Variants in ARID4B observed in about 807,000 individuals in gnomAD.
ARID4B encodes the protein AT-rich interaction domain 4B, also known as AT-rich interactive domain-containing protein 4B.
A neutral mutation model predicts 147.5 loss-of-function variants in ARID4B; 26 were observed. The ratio of observed to expected loss-of-function variants is 0.18; its 90% CI spans 0.13 to 0.24. The LOEUF is 0.24. Among genes scored for constraint, ARID4B ranks in the 10% least tolerant of loss-of-function variants. The probability of loss-of-function intolerance (pLI) is 1.00; values close to 1 mark genes in which losing one functional copy is unlikely to be tolerated. For synonymous variants in ARID4B, 512 were observed against 507.9 expected (o/e 1.01, Z -0.11); for missense variants, 1,179 against 1,511.5 (o/e 0.78, Z 3.65).
chr1:235,277,357 T>G (rs888295150), intron 2 of ARID4B, among the ~76,000 whole-genome samples: 1 of 151,872 alleles, frequency 6.6e-6, no homozygotes, highest in Non-Finnish European at 1.5e-5. Context: ...CTGACCAACA[T>G]AGTGAAACCC....
rs1162226164 is a variant in ARID4B, at chr1:235,219,676, ACT to A, written c.1583+115_1583+116del. ...GCTATTTAATTAATAAATGCCAATCACTCTATTATTTAATATTTTGTCAATTA... is the reference window on the plus strand; with the variant it reads ...GCTATTTAATTAATAAATGCCAATCACTATTATTTAATATTTTGTCAATTA... On this transcript the variant is annotated intron_variant, in intron 16 of 23. Coordinates refer to ENST00000264183, the MANE Select transcript of ARID4B (RefSeq NM_016374.6). The A allele has an allele frequency of 6.2e-5, 48 of 773,074 alleles. 1 individual carries two copies. Among genetic ancestry groups the A allele is most frequent in the South Asian group, 5.4e-4 (26 of 48,362 alleles). 47.9% of individuals were successfully genotyped at this position (773,074 alleles called of 1,614,324 possible). A position where few individuals can be genotyped will look rare whatever the true frequency, so the allele number is the denominator to read the frequency against.
intron 2 of ARID4B, among the ~76,000 whole-genome samples, chr1:235,287,285 CTTTT>C (rs1672040237): frequency 6.6e-6 from 1 of 151,060 alleles, no homozygotes; most frequent in Non-Finnish European, 1.5e-5. Flanking sequence ...TTTTTTTTAC[CTTTT>C]TTCTCCTCAC....
At chr1:235,179,704 CTCTT>C (rs1042082032) in intron 20 of ARID4B, among the ~76,000 whole-genome samples, 1 of 145,966 alleles carries the variant, frequency 6.9e-6, no homozygotes, top group East Asian at 1.9e-4. Flanking sequence ...AGAAGATATC[CTCTT>C]TTTTTTTGTT....
At chr1:235,250,909 G>A (rs370435275) in intron 6 of ARID4B, among the ~76,000 whole-genome samples, 1 of 152,008 alleles carries the variant, frequency 6.6e-6, no homozygotes, top group Non-Finnish European at 1.5e-5. Context: ...TATTTCTCTA[G>A]ACTAAAAAAA....
At chr1:235,195,841 G>A (rs538031352) in intron 18 of ARID4B, among the ~76,000 whole-genome samples, 190 bp downstream of exon 18, 51 of 152,232 alleles carry the variant, frequency 3.4e-4, no homozygotes, top group African/African-American at 1.2e-3. Flanking sequence ...GACTGAAAAA[G>A]TCTCAAAGAT....
intron 2 of ARID4B, among the ~76,000 whole-genome samples, chr1:235,298,272 T>C (rs561101593): frequency 1.3e-5 from 2 of 152,114 alleles, no homozygotes; most frequent in Non-Finnish European, 2.9e-5. Context: ...TATTTTTGTA[T>C]GTTGTAAATT....
rs1400430028 is a variant in ARID4B at position 235,277,645 on chromosome 1, A to ATTGGT, written c.7-16898_7-16894dup. Among the ~76,000 whole-genome samples the ATTGGT allele has an allele frequency of 6.5e-4, 33 of 50,410 alleles. 1 individual carries two copies. Among genetic ancestry groups the ATTGGT allele is most frequent in the African/African-American group, 7.5e-5 (1 of 13,420 alleles). 33.1% of individuals were successfully genotyped at this position (50,410 alleles called of 152,430 possible). On this transcript the variant is annotated intron_variant, in intron 2 of 23. Transcript: ENST00000264183. ...GTGTGTGTGTGTGTGTGTGTGTTTC[A>ATTGGT]TTGGTTTTGTTTTACATTTTTCTCC... is the stretch of plus-strand genomic sequence containing the variant.
intron 2 of ARID4B, among the ~76,000 whole-genome samples, chr1:235,286,439 A>G (rs1671977859): frequency 6.6e-6 from 1 of 152,214 alleles, no homozygotes; most frequent in Non-Finnish European, 1.5e-5. Context: ...TAGTGGAGGA[A>G]TCTGTTAAAC....
chr1:235,240,922 C>G (rs761848488), intron 7 of ARID4B, among the ~76,000 whole-genome samples: 1 of 152,160 alleles, frequency 6.6e-6, no homozygotes, highest in Non-Finnish European at 1.5e-5. Context: ...GAAAAGAGAT[C>G]ACCACTGCTA....
At chr1:235,307,917 G>GGCTC (rs1446006354) in intron 2 of ARID4B, among the ~76,000 whole-genome samples, 14 of 150,888 alleles carry the variant, frequency 9.3e-5, no homozygotes, top group Non-Finnish European at 1.5e-5. Flanking sequence ...CTGCAGCCTT[G>GGCTC]AGCTCCTGGG....
At chr1:235,256,791 G>A (rs1670016313) in intron 4 of ARID4B, among the ~76,000 whole-genome samples, 1 of 152,058 alleles carries the variant, frequency 6.6e-6, no homozygotes, top group Non-Finnish European at 1.5e-5. Flanking sequence ...AAATATGGTG[G>A]ATTAAGTAAA....
intron 2 of ARID4B, among the ~76,000 whole-genome samples, chr1:235,266,422 G>A (rs1439578597): frequency 6.6e-6 from 1 of 152,064 alleles, no homozygotes; most frequent in Non-Finnish European, 1.5e-5. Flanking sequence ...TTTTTATGTA[G>A]CACCTCCATG....
chr1:235,245,843 AG>A (rs1434348067), intron 7 of ARID4B, among the ~76,000 whole-genome samples: 4 of 152,190 alleles, frequency 2.6e-5, no homozygotes, highest in African/African-American at 4.8e-5. Context: ...TTTTATAGAT[AG>A]GAAGTGAGGT....
intron 2 of ARID4B, among the ~76,000 whole-genome samples, chr1:235,309,166 G>A (rs1347721559): frequency 5.3e-5 from 6 of 112,806 alleles, no homozygotes; most frequent in Admixed American, 2.7e-4. Context: ...GCCCGGCCGT[G>A]ACCCCGTCTG....
chr1:235,326,063 T>C (rs1034841610), intron 2 of ARID4B, among the ~76,000 whole-genome samples: 1 of 152,018 alleles, frequency 6.6e-6, no homozygotes, highest in African/African-American at 2.4e-5. Context: ...GAATTTGTAA[T>C]GGATGAAAAA....
At chr1:235,235,049 T>G (rs1668467664) in intron 8 of ARID4B, among the ~76,000 whole-genome samples, 1 of 152,192 alleles carries the variant, frequency 6.6e-6, no homozygotes, top group African/African-American at 2.4e-5. Flanking sequence ...TGAGAGGTGG[T>G]GGCTTGGATG....
intron 6 of ARID4B, among the ~76,000 whole-genome samples, chr1:235,248,250 A>G (rs756285743): frequency 5.9e-5 from 9 of 151,968 alleles, no homozygotes; most frequent in Non-Finnish European, 1.2e-4. Context: ...GGGTTTTGCC[A>G]TGTTGTCCAG....
At chr1:235,325,141 TATA>T (rs1203658105) in intron 2 of ARID4B, among the ~76,000 whole-genome samples, 10 of 152,266 alleles carry the variant, frequency 6.6e-5, no homozygotes, top group South Asian at 2.1e-4. Flanking sequence ...TTGCTATACT[TATA>T]ATAACAGGAA....
intron 17 of ARID4B, among the ~76,000 whole-genome samples, chr1:235,197,030 A>G (rs568683475): frequency 1.3e-5 from 2 of 152,204 alleles, no homozygotes; most frequent in East Asian, 3.9e-4. Flanking sequence ...CTGAGTCAAC[A>G]GCTGTGATGG....
Sources: gnomAD v4.1 joint callset for allele counts (sites outside exome capture counted in the v4.1 genomes callset) on GRCh38, gnomAD v4.1.1 for gene constraint, MANE v1.5 for transcripts, NCBI Gene and HGNC (gene_info 2026-07-23, HGNC 2026-07-21) for gene names.